OLIG2: variants seen among roughly 807,000 people sequenced by gnomAD.
OLIG2 encodes the protein oligodendrocyte transcription factor 2.
OLIG2 carries 12 observed loss-of-function variants against 13.4 expected under a neutral mutation model. The observed-to-expected ratio is 0.90, with a 90% CI of 0.58 to 1.46. The LOEUF is 1.46. Among genes scored for constraint, OLIG2 ranks in the 40% most tolerant of loss-of-function variants. OLIG2 has a pLI of 0.00. For missense variants in OLIG2, 415 were observed against 487.9 expected, an observed-to-expected ratio of 0.85 and a Z score of 1.41; for synonymous variants, 250 against 233.6, an observed-to-expected ratio of 1.07 and a Z score of -0.64.
Position 33,027,374 on chromosome 21 carries a change from G to T in OLIG2, c.512G>T (p.Arg171Leu). 1 of 1,552,792 alleles carries T rather than the reference G, an allele frequency of 6.4e-7. No homozygotes were observed. Among genetic ancestry groups the T allele is most frequent in the South Asian group, 1.2e-5 (1 of 84,258 alleles). ...MLTNSLEEMK[R>L]LVSEIYGGHH... is the part of the protein sequence containing the mutation. The stretch of plus-strand genomic sequence containing the variant: ...ACCAACTCGCTGGAGGAGATGAAGC[G>T]ACTGGTGAGCGAGATCTACGGGGGC... Residue 171 changes from arginine (R) to leucine (L), a missense_variant, in exon 2 of 2, where the codon CGA (arginine) becomes CTA (leucine). Arg to Leu is a moderately radical substitution (Grantham distance 102). This residue lies in a region of OLIG2 where 50 missense variants were observed against 119.9 expected (regional missense o/e 0.42). Coordinates refer to ENST00000382357, the MANE Select transcript of OLIG2 (RefSeq NM_005806.4).
chr21:33,028,881 T>C lies in OLIG2; in HGVS notation c.*1047T>C, dbSNP rs933089302. On this transcript the variant is annotated 3_prime_UTR_variant, in exon 2 of 2. Transcript: ENST00000382357. ...ATGCTAAGCTGTTTGCTCACGTGAC[T>C]GCCAGCCCCATCGGAGTCTAAGCCG... 2 of 242,628 alleles carry C rather than the reference T, an allele frequency of 8.2e-6. No individual in the cohort carries two copies. The highest frequency in any genetic ancestry group is 8.7e-6 in the Non-Finnish European group (1 of 114,702). The allele number at this position is 242,628 out of a possible 1,614,324, so 15.0% of individuals were successfully genotyped here.
chr21:33,027,848 G>C lies in OLIG2; in HGVS notation c.*14G>C, dbSNP rs544803425. On this transcript the variant is annotated 3_prime_UTR_variant, in exon 2 of 2. Transcript: ENST00000382357. ...GACGCCAAGTGAGCCGACTGGCGCC[G>C]GCGCGTTCTGGCGACAGGGGAGCCA... 7.3e-7 allele frequency: 1 copy of C among 1,373,132 alleles called. No homozygotes were observed. The highest frequency in any genetic ancestry group is 9.3e-7 in the Non-Finnish European group (1 of 1,070,022). The allele number at this position is 1,373,132 out of a possible 1,614,324, so 85.1% of individuals were successfully genotyped here.
chr21:33,027,098 C>G lies in OLIG2; in HGVS notation c.236C>G (p.Ser79Trp). 1.2e-6 allele frequency: 2 copies of G among 1,611,614 alleles called. No homozygotes were observed. The highest frequency in any genetic ancestry group is 1.7e-6 in the Non-Finnish European group (2 of 1,179,130). Reference protein sequence around the residue: ...KLGGSGFKSSSSSTSSSTSSA... With the variant: ...KLGGSGFKSSWSSTSSSTSSA... Reference sequence around the variant, plus strand: ...GGAGGCAGTGGCTTCAAGTCATCCTCGTCCAGCACCTCGTCGTCTACGTCG... The same window carrying G: ...GGAGGCAGTGGCTTCAAGTCATCCTGGTCCAGCACCTCGTCGTCTACGTCG... The change falls in exon 2 of 2, where the codon TCG (serine) becomes TGG (tryptophan). Residue 79 changes from serine (S) to tryptophan (W), a missense_variant. Around this residue, in one of 3 missense-constraint regions of OLIG2, gnomAD observed 122 missense variants for 126.8 expected, o/e 0.96. Coordinates refer to ENST00000382357, the MANE Select transcript of OLIG2 (RefSeq NM_005806.4).
Position 33,027,763 on chromosome 21 carries a change from C to T in OLIG2, c.901C>T (p.Pro301Ser). Residue 301 changes from proline to serine, a missense_variant, in exon 2 of 2, where the codon CCG becomes TCG. Pro to Ser is a moderately conservative substitution (Grantham distance 74). Coordinates refer to ENST00000382357, the MANE Select transcript of OLIG2 (RefSeq NM_005806.4). ...CTGCCCCTGCAGCATGTGCCAGGTGCCGCCGCCGCACCACCACGTGTCGGC... is the reference window on the plus strand; with the variant it reads ...CTGCCCCTGCAGCATGTGCCAGGTGTCGCCGCCGCACCACCACGTGTCGGC... The part of the protein sequence containing the change: ...MPCPCSMCQV[P>S]PPHHHVSAMG... 1 of 1,412,226 alleles carries T rather than the reference C, an allele frequency of 7.1e-7. No individual in the cohort carries two copies. The allele number at this position is 1,412,226 out of a possible 1,614,324, so 87.5% of individuals were successfully genotyped here.
chr21:33,028,141 T>G lies in OLIG2; in HGVS notation c.*307T>G. On this transcript the variant is annotated 3_prime_UTR_variant, in exon 2 of 2. Coordinates refer to ENST00000382357, the MANE Select transcript of OLIG2 (RefSeq NM_005806.4). ...TGTGTGCATTCCTCACTAGAACTCA[T>G]CCGACCCCCGACCCCCACCTCCGGG... 3.0e-6 allele frequency: 1 copy of G among 335,584 alleles called. No individual in the cohort carries two copies. The highest frequency in any genetic ancestry group is 5.6e-6 in the Non-Finnish European group (1 of 177,116). The allele number at this position is 335,584 out of a possible 1,614,324, so 20.8% of individuals were successfully genotyped here.
chr21:33,028,990 CGCCTCG>C lies in OLIG2; in HGVS notation c.*1159_*1164del. 8.3e-6 allele frequency: 2 copies of C among 242,054 alleles called. No individual in the cohort carries two copies. 15.0% of individuals were successfully genotyped at this position (242,054 alleles called of 1,614,324 possible). ...CGTGCTTCCTGCGTTCCGTGCAAGC[CGCCTCG>C]GCGCTGCCTGCGTTGCAAACTGGGC... On this transcript the variant is annotated 3_prime_UTR_variant, in exon 2 of 2. Coordinates refer to ENST00000382357, the MANE Select transcript of OLIG2 (RefSeq NM_005806.4).
At position 33,026,970 on chromosome 21, in the gene OLIG2, G is replaced by T; in HGVS notation, c.108G>T (p.Gly36=). The change falls in exon 2 of 2, where the codon GGG becomes GGT. Residue 36 remains glycine, a synonymous_variant. Coordinates refer to ENST00000382357, the MANE Select transcript of OLIG2 (RefSeq NM_005806.4). This position sits in a 1 kb window ranked among gnomAD's most constrained non-coding sequence, Gnocchi z 6.6. ...SKGSSGSAFT[G]GTVSSSTPSD... is the part of the protein sequence containing the mutation. ...GCAGCAGCGGCAGCGCCTTCACTGG[G>T]GGCACCGTGTCCTCGTCCACCCCGA... is the stretch of plus-strand genomic sequence containing the variant. 3 of 1,612,406 alleles carry T rather than the reference G, an allele frequency of 1.9e-6. No individual in the cohort carries two copies. Among genetic ancestry groups the T allele is most frequent in the Non-Finnish European group, 2.5e-6 (3 of 1,179,734 alleles).
chr21:33,026,832 A>G lies in OLIG2; in HGVS notation c.-31A>G. 6.2e-7 allele frequency: 1 copy of G among 1,602,136 alleles called. No homozygotes were observed. Among genetic ancestry groups the G allele is most frequent in the Non-Finnish European group, 8.5e-7 (1 of 1,177,998 alleles). On this transcript the variant is annotated 5_prime_UTR_variant, in exon 2 of 2. Transcript: ENST00000382357. The surrounding 1 kb of genome is among the most constrained non-coding windows in gnomAD (Gnocchi z 6.6). Reference sequence around the variant, plus strand: ...GGTCCGAGGGAAGGAGGACCCTGCGAAAGCTGCGACGACTATCTTCCCCTG... The same window carrying G: ...GGTCCGAGGGAAGGAGGACCCTGCGGAAGCTGCGACGACTATCTTCCCCTG...
In OLIG2 at chr21:33,027,853, G is replaced by T; in HGVS notation, c.*19G>T. ...CAAGTGAGCCGACTGGCGCCGGCGC[G>T]TTCTGGCGACAGGGGAGCCAGGGGC... On this transcript the variant is annotated 3_prime_UTR_variant, in exon 2 of 2. Transcript: ENST00000382357. The T allele has an allele frequency of 4.4e-6, 6 of 1,372,578 alleles. No homozygotes were observed. Among genetic ancestry groups the T allele is most frequent in the Non-Finnish European group, 4.7e-6 (5 of 1,069,704 alleles). 85.0% of individuals were successfully genotyped at this position (1,372,578 alleles called of 1,614,324 possible).
Position 33,026,774 on chromosome 21 carries a change from C to A in OLIG2, c.-62-27C>A. ...TCTCCCTCTCTCTCTCTCTCATTCTCTCTCTTTTCTCCTCCTCTCCTGGAA... is the reference window on the plus strand; with the variant it reads ...TCTCCCTCTCTCTCTCTCTCATTCTATCTCTTTTCTCCTCCTCTCCTGGAA... On this transcript the variant is annotated intron_variant, in intron 1 of 1. Transcript: ENST00000382357. This position sits in a 1 kb window ranked among gnomAD's most constrained non-coding sequence, Gnocchi z 6.6. The A allele has an allele frequency of 1.3e-6, 2 of 1,486,930 alleles. No individual in the cohort carries two copies. Among genetic ancestry groups the A allele is most frequent in the Non-Finnish European group, 1.8e-6 (2 of 1,101,262 alleles). The allele number at this position is 1,486,930 out of a possible 1,614,324, so 92.1% of individuals were successfully genotyped here. A position where few individuals can be genotyped will look rare whatever the true frequency, so the allele number is the denominator to read the frequency against.
rs374618360 is a variant in OLIG2 at position 33,027,076 on chromosome 21, G to A, written c.214G>A (p.Gly72Ser). The A allele has an allele frequency of 1.2e-6, 2 of 1,612,038 alleles. No homozygotes were observed. Among genetic ancestry groups the A allele is most frequent in the African/African-American group, 2.7e-5 (2 of 74,892 alleles). ...AGAHPGDKLG[G>S]SGFKSSSSST... ...CGCGCATCCTGGGGACAAGCTAGGA[G>A]GCAGTGGCTTCAAGTCATCCTCGTC... is the stretch of plus-strand genomic sequence containing the variant. The change falls in exon 2 of 2, where the codon GGC becomes AGC. Residue 72 changes from glycine (G) to serine (S), a missense_variant. Physicochemically the swap from Gly to Ser is moderately conservative, Grantham distance 56. Coordinates refer to ENST00000382357, the MANE Select transcript of OLIG2 (RefSeq NM_005806.4).
In OLIG2 at chr21:33,028,889, C is replaced by T. The variant is rs376682058; in HGVS notation, c.*1055C>T. The stretch of plus-strand genomic sequence containing the variant: ...CTGTTTGCTCACGTGACTGCCAGCC[C>T]CATCGGAGTCTAAGCCGGCTTTCCT... On this transcript the variant is annotated 3_prime_UTR_variant, in exon 2 of 2. Coordinates refer to ENST00000382357, the MANE Select transcript of OLIG2 (RefSeq NM_005806.4). 37 of 242,320 alleles carry T rather than the reference C, an allele frequency of 1.5e-4. No individual in the cohort carries two copies. In the South Asian group the frequency reaches 6.2e-3, roughly 41 times the overall value. The allele number at this position is 242,320 out of a possible 1,614,324, so 15.0% of individuals were successfully genotyped here. A position where few individuals can be genotyped will look rare whatever the true frequency, so the allele number is the denominator to read the frequency against.
rs1413356797 is a variant in OLIG2 at position 33,027,594 on chromosome 21, C to G, written c.732C>G (p.Pro244=). ...AAAAVSSASL[P]GSGLPSVGSI... The stretch of plus-strand genomic sequence containing the variant: ...CGGCTGTGTCCAGCGCCTCTCTGCC[C>G]GGATCCGGGCTGCCGTCGGTCGGCT... Residue 244 remains proline, a synonymous_variant, in exon 2 of 2, where the codon CCC becomes CCG. Coordinates refer to ENST00000382357, the MANE Select transcript of OLIG2 (RefSeq NM_005806.4). 3 of 1,477,684 alleles carry G rather than the reference C, an allele frequency of 2.0e-6. No individual in the cohort carries two copies. The highest frequency in any genetic ancestry group is 1.5e-5 in the African/African-American group (1 of 68,058). The allele number at this position is 1,477,684 out of a possible 1,614,324, so 91.5% of individuals were successfully genotyped here. A position where few individuals can be genotyped will look rare whatever the true frequency, so the allele number is the denominator to read the frequency against.
In OLIG2 at chr21:33,027,442, C is replaced by T; in HGVS notation, c.580C>T (p.His194Tyr). 1 of 1,528,168 alleles carries T rather than the reference C, an allele frequency of 6.5e-7. No homozygotes were observed. The highest frequency in any genetic ancestry group is 8.8e-7 in the Non-Finnish European group (1 of 1,141,886). The allele number at this position is 1,528,168 out of a possible 1,614,324, so 94.7% of individuals were successfully genotyped here. The change falls in exon 2 of 2, where the codon CAC (histidine) becomes TAC (tyrosine). Residue 194 changes from histidine (H) to tyrosine (Y), a missense_variant. This residue lies in a region of OLIG2 where 243 missense variants were observed against 241.2 expected (regional missense o/e 1.01). Coordinates refer to ENST00000382357, the MANE Select transcript of OLIG2 (RefSeq NM_005806.4). ...CCCGTCGGCCTGCGGCGGCCTGGCGCACTCCGCGCCCCTGCCCGCCGCCAC... is the reference window on the plus strand; with the variant it reads ...CCCGTCGGCCTGCGGCGGCCTGGCGTACTCCGCGCCCCTGCCCGCCGCCAC... ...FHPSACGGLAHSAPLPAATAH... is the reference protein window; with the variant it reads ...FHPSACGGLAYSAPLPAATAH...
At position 33,028,225 on chromosome 21, in the gene OLIG2, G is replaced by C. The variant is rs1208011344; in HGVS notation, c.*391G>C. Reference sequence around the variant, plus strand: ...TGGCCTGACTTGCAGACTCGGCTTGGGCAGCACTTCGGGGGGGGAGGGGGT... The same window carrying C: ...TGGCCTGACTTGCAGACTCGGCTTGCGCAGCACTTCGGGGGGGGAGGGGGT... On this transcript the variant is annotated 3_prime_UTR_variant, in exon 2 of 2. Coordinates refer to ENST00000382357, the MANE Select transcript of OLIG2 (RefSeq NM_005806.4). 4 of 253,722 alleles carry C rather than the reference G, an allele frequency of 1.6e-5. No homozygotes were observed. The highest frequency in any genetic ancestry group is 8.7e-5 in the African/African-American group (4 of 45,744). 15.7% of individuals were successfully genotyped at this position (253,722 alleles called of 1,614,324 possible). A position where few individuals can be genotyped will look rare whatever the true frequency, so the allele number is the denominator to read the frequency against.
Position 33,027,635 on chromosome 21 carries a change from A to G in OLIG2, c.773A>G (p.His258Arg). 1 of 1,466,712 alleles carries G rather than the reference A, an allele frequency of 6.8e-7. No homozygotes were observed. Among genetic ancestry groups the G allele is most frequent in the Admixed American group, 2.5e-5 (1 of 40,322 alleles). The allele number at this position is 1,466,712 out of a possible 1,614,324, so 90.9% of individuals were successfully genotyped here. Residue 258 changes from histidine to arginine, a missense_variant, in exon 2 of 2, where the codon CAC (histidine) becomes CGC (arginine). Coordinates refer to ENST00000382357, the MANE Select transcript of OLIG2 (RefSeq NM_005806.4). ...LPSVGSIRPP[H>R]GLLKSPSAAA... ...TCGGTCGGCTCCATCCGTCCACCGC[A>G]CGGCCTACTCAAGTCTCCGTCTGCT...
chr21:33,028,453 C>A lies in OLIG2; in HGVS notation c.*619C>A. ...TGATGGTCATATCCAATCTCAATATCTGGGTCAATCCACACCCTCTTAGAA... is the reference window on the plus strand; with the variant it reads ...TGATGGTCATATCCAATCTCAATATATGGGTCAATCCACACCCTCTTAGAA... On this transcript the variant is annotated 3_prime_UTR_variant, in exon 2 of 2. Transcript: ENST00000382357. The A allele has an allele frequency of 4.3e-6, 1 of 231,740 alleles. No homozygotes were observed. The highest frequency in any genetic ancestry group is 9.3e-6 in the Non-Finnish European group (1 of 107,852). The allele number at this position is 231,740 out of a possible 1,614,324, so 14.4% of individuals were successfully genotyped here.
At position 33,027,543 on chromosome 21, in the gene OLIG2, AGCGGCTGCTGCCGCCGCTGCAGCC is replaced by A; in HGVS notation, c.689_712del (p.Ala230_Ala237del). On this transcript the variant is annotated inframe_deletion, in exon 2 of 2. Transcript: ENST00000382357. ...ACCCCATCCTGCCGCCCGCCGCCGCAGCGGCTGCTGCCGCCGCTGCAGCCGCGGCTGTGTCCAGCGCCTCTCTGC... is the reference window on the plus strand; with the variant it reads ...ACCCCATCCTGCCGCCCGCCGCCGCAGCGGCTGTGTCCAGCGCCTCTCTGC... The A allele has an allele frequency of 1.3e-5, 19 of 1,473,722 alleles. 1 individual carries two copies. Among genetic ancestry groups the A allele is most frequent in the South Asian group, 3.8e-5 (3 of 78,336 alleles). The allele number at this position is 1,473,722 out of a possible 1,614,324, so 91.3% of individuals were successfully genotyped here. A position where few individuals can be genotyped will look rare whatever the true frequency, so the allele number is the denominator to read the frequency against.
chr21:33,027,477 G>A lies in OLIG2; in HGVS notation c.615G>A (p.Pro205=). The A allele has an allele frequency of 2.0e-6, 3 of 1,479,546 alleles. No individual in the cohort carries two copies. Among genetic ancestry groups the A allele is most frequent in the Non-Finnish European group, 2.7e-6 (3 of 1,125,104 alleles). The allele number at this position is 1,479,546 out of a possible 1,614,324, so 91.7% of individuals were successfully genotyped here. ...SAPLPAATAH[P]AAAAHAAHHP... is the part of the protein sequence containing the mutation. ...CCCTGCCCGCCGCCACCGCGCACCC[G>A]GCAGCAGCAGCGCACGCCGCACATC... Residue 205 remains proline (P), a synonymous_variant, in exon 2 of 2, where the codon CCG becomes CCA. Transcript: ENST00000382357.
Sources: gnomAD v4.1 joint callset for allele counts on GRCh38, gnomAD v4.1.1 for gene constraint, gnomAD v4.1.1 regional missense constraint, Gnocchi (gnomAD v3.1) non-coding constraint, MANE v1.5 for transcripts, NCBI Gene and HGNC (gene_info 2026-07-23, HGNC 2026-07-21) for gene names.